The following SCHIP1 variants were observed in gnomAD, a reference collection of about 807,000 sequenced individuals.
SCHIP1 encodes the protein schwannomin interacting protein 1.
SCHIP1 carries 8 observed loss-of-function variants against 29.7 expected under a neutral mutation model. The ratio of observed to expected loss-of-function variants is 0.27; its 90% confidence interval spans 0.16 to 0.49. The LOEUF (loss-of-function observed/expected upper bound fraction) is 0.49, where lower values mean the gene tolerates loss of function less well. Ranked by LOEUF, SCHIP1 falls within the 20% of genes least tolerant of loss-of-function variation. The pLI is 0.99. For synonymous variants in SCHIP1, 76 were observed against 94.9 expected (o/e 0.80, Z 1.16); for missense variants, 193 against 294.6 (o/e 0.66, Z 2.52).
the SCHIP1 span, among the ~76,000 whole-genome samples, chr3:159,451,193 G>A: frequency 1.3e-5 from 2 of 152,234 alleles, no homozygotes; most frequent in Non-Finnish European, 2.9e-5. Context: ...CACAAGCATA[G>A]TTAGGAACAC....
chr3:159,373,447 T>C, the SCHIP1 span, among the ~76,000 whole-genome samples: 5 of 151,958 alleles, frequency 3.3e-5, no homozygotes, highest in Admixed American at 2.6e-4. Context: ...ACACTTGAAA[T>C]TTACCCTCTT....
chr3:159,802,929 A>G, the SCHIP1 span, among the ~76,000 whole-genome samples: 1 of 152,282 alleles, frequency 6.6e-6, no homozygotes, highest in Admixed American at 6.5e-5. Flanking sequence ...TTTCTGCCTC[A>G]TGGTCCAAGT....
chr3:159,735,261 G>GTTTTTTTT, the SCHIP1 span, among the ~76,000 whole-genome samples: 1 of 147,262 alleles, frequency 6.8e-6, no homozygotes, highest in African/African-American at 2.5e-5. Flanking sequence ...ATGGAGTCTT[G>GTTTTTTTT]CTCTGTCGCC....
At chr3:159,328,645 G>C in the SCHIP1 span, among the ~76,000 whole-genome samples, 1 of 152,192 alleles carries the variant, frequency 6.6e-6, no homozygotes, top group South Asian at 2.1e-4. Flanking sequence ...AAATGCCCCT[G>C]TTGTAGCCTG....
chr3:159,709,411 G>T, the SCHIP1 span, among the ~76,000 whole-genome samples: 1 of 151,872 alleles, frequency 6.6e-6, no homozygotes, highest in Non-Finnish European at 1.5e-5. Context: ...AATAGCATGT[G>T]AATTATAATT....
the SCHIP1 span, among the ~76,000 whole-genome samples, chr3:159,515,670 A>G: frequency 6.6e-6 from 1 of 152,186 alleles, no homozygotes; most frequent in Non-Finnish European, 1.5e-5. Flanking sequence ...TGCAATAACT[A>G]CTTGAAAATC....
At chr3:159,421,607 T>C in the SCHIP1 span, among the ~76,000 whole-genome samples, 1 of 152,226 alleles carries the variant, frequency 6.6e-6, no homozygotes, top group South Asian at 2.1e-4. Context: ...GTCTTTTCAC[T>C]TGACAAATAG....
At chr3:159,518,992 CTTAAT>C in the SCHIP1 span, among the ~76,000 whole-genome samples, 2 of 151,910 alleles carry the variant, frequency 1.3e-5, no homozygotes, top group Non-Finnish European at 2.9e-5. Flanking sequence ...GGAAATATTT[CTTAAT>C]TTATTTAATA....
At chr3:159,852,908 A>G (rs1323776266) in intron 1 of SCHIP1, 2 of 153,024 alleles carry the variant, frequency 1.3e-5, no homozygotes, top group African/African-American at 4.8e-5. Flanking sequence ...TTTCACATCT[A>G]TTTTTATCCC....
chr3:159,828,152 G>T, the SCHIP1 span, among the ~76,000 whole-genome samples: 3 of 151,046 alleles, frequency 2.0e-5, no homozygotes, highest in Non-Finnish European at 2.9e-5. Flanking sequence ...GAAAGTGGGC[G>T]GCAGGGGCAG....
At chr3:159,324,392 A>G in the SCHIP1 span, among the ~76,000 whole-genome samples, 2 of 152,186 alleles carry the variant, frequency 1.3e-5, no homozygotes, top group African/African-American at 4.8e-5. Flanking sequence ...AGGGTATATT[A>G]CCAAACTTTT....
the SCHIP1 span, among the ~76,000 whole-genome samples, chr3:159,754,606 C>T: frequency 2.0e-5 from 3 of 152,218 alleles, no homozygotes; most frequent in African/African-American, 7.2e-5. Context: ...TGTGTTTAGT[C>T]ACTGATTCCC....
the SCHIP1 span, among the ~76,000 whole-genome samples, chr3:159,718,622 C>T: frequency 3.9e-5 from 6 of 152,172 alleles, no homozygotes; most frequent in Admixed American, 2.0e-4. Context: ...TGAGTGAACT[C>T]CCATTCACAA....
the SCHIP1 span, among the ~76,000 whole-genome samples, chr3:159,626,293 TAGATAGA>T: frequency 2.5e-3 from 366 of 145,630 alleles, 2 homozygotes; most frequent in African/African-American, 7.6e-3. Flanking sequence ...GATAGATAGA[TAGATAGA>T]TTTTTTTTTA....
the SCHIP1 span, among the ~76,000 whole-genome samples, chr3:159,830,408 T>C: frequency 6.6e-6 from 1 of 152,222 alleles, no homozygotes; most frequent in African/African-American, 2.4e-5. Flanking sequence ...GAAGAAAAAG[T>C]GACAACCAAT....
At chr3:159,716,159 A>C in the SCHIP1 span, among the ~76,000 whole-genome samples, 2 of 152,248 alleles carry the variant, frequency 1.3e-5, no homozygotes, top group Non-Finnish European at 2.9e-5. Flanking sequence ...TAAGCTTCAT[A>C]CGTGAAGGAG....
the SCHIP1 span, among the ~76,000 whole-genome samples, chr3:159,572,190 C>G: frequency 4.6e-5 from 7 of 151,486 alleles, no homozygotes; most frequent in African/African-American, 1.4e-4. Flanking sequence ...TTGCTCTTCT[C>G]TATTCCTTTT....
the SCHIP1 span, among the ~76,000 whole-genome samples, chr3:159,607,665 G>A: frequency 6.6e-6 from 1 of 152,160 alleles, no homozygotes; most frequent in Non-Finnish European, 1.5e-5. Context: ...GAGGAAAGAG[G>A]TAGGAAACCT....
the SCHIP1 span, among the ~76,000 whole-genome samples, chr3:159,287,847 A>G: frequency 6.6e-6 from 1 of 152,230 alleles, no homozygotes; most frequent in Non-Finnish European, 1.5e-5. Flanking sequence ...TGCCTGTACT[A>G]TTAATAAACA....
Sources: gnomAD v4.1 joint callset for allele counts (sites outside exome capture counted in the v4.1 genomes callset) on GRCh38, gnomAD v4.1.1 for gene constraint, MANE v1.5 for transcripts, NCBI Gene and HGNC (gene_info 2026-07-23, HGNC 2026-07-21) for gene names.